Variants in PCDHA8 observed in about 807,000 individuals in gnomAD.
The protein encoded by PCDHA8 is protocadherin alpha-8.
PCDHA8 carries 53 observed loss-of-function variants against 61.8 expected under a neutral mutation model. The observed-to-expected ratio is 0.86, with a 90% CI of 0.69 to 1.08. PCDHA8 has a LOEUF of 1.08. Among genes scored for constraint, PCDHA8 ranks in the 50% least tolerant of loss-of-function variants. PCDHA8 has a pLI of 0.00. For missense variants in PCDHA8, 1,293 were observed against 1,245.0 expected, an observed-to-expected ratio of 1.04 and a Z score of -0.58; for synonymous variants, 618 against 556.6, an observed-to-expected ratio of 1.11 and a Z score of -1.55.
chr5:140,883,580 AC>A, intron 1 of PCDHA8: 1 of 1,613,994 alleles, frequency 6.2e-7, no homozygotes. Flanking sequence ...GCTGTGGGCC[AC>A]GGCCAGCGTG....
At chr5:140,966,900 G>A (rs376213042) in intron 1 of PCDHA8, 1 of 1,598,684 alleles carries the variant, frequency 6.3e-7, no homozygotes, top group Non-Finnish European at 8.5e-7. Flanking sequence ...TCCCAGCTGC[G>A]ATACTCTGTG....
chr5:140,876,953 T>G (rs1455444799), intron 1 of PCDHA8: 6 of 1,613,306 alleles, frequency 3.7e-6, no homozygotes, highest in African/African-American at 1.3e-5. Flanking sequence ...TCCTACTCGC[T>G]GGTGGAGCGG....
At chr5:140,926,018 G>C (rs1489789521) in intron 1 of PCDHA8, among the ~76,000 whole-genome samples, 1 of 152,122 alleles carries the variant, frequency 6.6e-6, no homozygotes, top group Non-Finnish European at 1.5e-5. Context: ...CCAGAGTCCG[G>C]AGGCAGTTTG....
At chr5:140,928,810 G>T (rs143843461) in intron 1 of PCDHA8, 1 of 1,614,106 alleles carries the variant, frequency 6.2e-7, no homozygotes. Context: ...AGTGGTTCGG[G>T]ACCATGGAGA....
rs2150411102 is a variant in PCDHA8, at chr5:140,848,487, G to A, written c.2394+4772G>A. 8 of 1,574,380 alleles carry A rather than the reference G, an allele frequency of 5.1e-6. No individual in the cohort carries two copies. The Admixed American group carries it at 1.2e-4, about 24-fold the overall frequency. On this transcript the variant is annotated intron_variant, in intron 1 of 3. Coordinates refer to ENST00000531613, the MANE Select transcript of PCDHA8 (RefSeq NM_018911.3). ...TTTTCACTAATTAGAAGAAGACTGA[G>A]TATTTGAAATGTTATACTCAAGTCG...
chr5:140,996,312 G>A (rs1397001765), intron 3 of PCDHA8, among the ~76,000 whole-genome samples: 2 of 152,186 alleles, frequency 1.3e-5, no homozygotes, highest in African/African-American at 2.4e-5. Flanking sequence ...CAAAGTAAGG[G>A]GGGAGGGTAG....
chr5:140,945,678 C>T (rs2093827274), intron 1 of PCDHA8, among the ~76,000 whole-genome samples: 1 of 152,078 alleles, frequency 6.6e-6, no homozygotes, highest in Non-Finnish European at 1.5e-5. Context: ...AATAAATCCA[C>T]ACAGTTACTG....
Position 140,882,752 on chromosome 5 carries a change from A to G in PCDHA8, c.2394+39037A>G, listed in dbSNP as rs1457424583. 4 of 1,614,130 alleles carry G rather than the reference A, an allele frequency of 2.5e-6. No individual in the cohort carries two copies. In the East Asian group the frequency reaches 8.9e-5, roughly 36 times the overall value. On this transcript the variant is annotated intron_variant, in intron 1 of 3. Coordinates refer to ENST00000531613, the MANE Select transcript of PCDHA8 (RefSeq NM_018911.3). Reference sequence around the variant, plus strand: ...ACTAGATGGCGCATCCGATGCAGATATTGGAGTAAACTCGGCATTGACCTA... The same window carrying G: ...ACTAGATGGCGCATCCGATGCAGATGTTGGAGTAAACTCGGCATTGACCTA...
At chr5:141,000,379 C>G (rs1286955585) in intron 3 of PCDHA8, among the ~76,000 whole-genome samples, 6 of 60,366 alleles carry the variant, frequency 9.9e-5, no homozygotes, top group South Asian at 5.4e-4. Context: ...CTCTCTCTCT[C>G]TCTCTCTCTC....
At chr5:140,917,245 G>A (rs2077971406) in intron 1 of PCDHA8, among the ~76,000 whole-genome samples, 1 of 149,588 alleles carries the variant, frequency 6.7e-6, no homozygotes, top group Non-Finnish European at 1.5e-5. Context: ...TAGGTACTAC[G>A]ATTGCTCACC....
intron 1 of PCDHA8, among the ~76,000 whole-genome samples, chr5:140,891,446 G>T (rs1554184841): frequency 1.0e-4 from 15 of 149,150 alleles, no homozygotes. Context: ...CATTGTATAG[G>T]ATTTTTGAAT....
chr5:140,886,697 G>A (rs1230801248), intron 1 of PCDHA8, among the ~76,000 whole-genome samples: 4 of 151,750 alleles, frequency 2.6e-5, no homozygotes. Context: ...ATGGTGGCAC[G>A]CGCCTGTAAT....
chr5:140,884,276 G>A (rs2060082773), intron 1 of PCDHA8: 4 of 1,613,638 alleles, frequency 2.5e-6, no homozygotes, highest in East Asian at 2.2e-5. Flanking sequence ...GTTGTCGCTG[G>A]TGGAGAGCGG....
At position 140,876,586 on chromosome 5, in the gene PCDHA8, A is replaced by C. The variant is rs782256478; in HGVS notation, c.2394+32871A>C. 3 of 1,614,148 alleles carry C rather than the reference A, an allele frequency of 1.9e-6. No individual in the cohort carries two copies. The South Asian group carries it at 3.3e-5, about 18-fold the overall frequency. On this transcript the variant is annotated intron_variant, in intron 1 of 3. Transcript: ENST00000531613. Reference sequence around the variant, plus strand: ...TCAGGTGGGTACCGTCATTGCCCTGATTAGCGTGTCGGATCGTGACTCTGG... The same window carrying C: ...TCAGGTGGGTACCGTCATTGCCCTGCTTAGCGTGTCGGATCGTGACTCTGG...
chr5:140,850,541 G>T lies in PCDHA8; in HGVS notation c.2394+6826G>T. 3 of 1,598,386 alleles carry T rather than the reference G, an allele frequency of 1.9e-6. No individual in the cohort carries two copies. Among genetic ancestry groups the T allele is most frequent in the Non-Finnish European group, 2.6e-6 (3 of 1,167,870 alleles). ...AGGCGCCAAAGTCATCGTCGCGGGC[G>T]TCAGTGGGTGCCACGGGCCCCGAGG... On this transcript the variant is annotated intron_variant, in intron 1 of 3. Transcript: ENST00000531613.
chr5:140,985,929 CG>C (rs2097179106), intron 3 of PCDHA8, among the ~76,000 whole-genome samples: 1 of 151,796 alleles, frequency 6.6e-6, no homozygotes, highest in Non-Finnish European at 1.5e-5. Flanking sequence ...TTAGTAGAGC[CG>C]GGGTTTCACT....
intron 1 of PCDHA8, chr5:140,966,591 C>A (rs2096024240): frequency 1.7e-6 from 1 of 588,704 alleles, no homozygotes; most frequent in Non-Finnish European, 2.7e-6. Flanking sequence ...GACGGTGGGG[C>A]CAGGAGCCCT....
chr5:140,875,947 G>C (rs1554168112), intron 1 of PCDHA8: 1 of 1,614,184 alleles, frequency 6.2e-7, no homozygotes, highest in Admixed American at 1.7e-5. Flanking sequence ...GGGCGCTTCT[G>C]ATGCGGATAT....
intron 3 of PCDHA8, 29 bp from the exon 4 acceptor site, chr5:141,009,598 T>C: frequency 6.2e-7 from 1 of 1,606,306 alleles, no homozygotes; most frequent in Non-Finnish European, 8.5e-7. Flanking sequence ...GTTGACCCTG[T>C]TAATGATTTG....
Sources: allele counts gnomAD v4.1 joint callset (sites outside exome capture counted in the v4.1 genomes callset), GRCh38; gene constraint gnomAD v4.1.1; transcripts MANE v1.5; gene names NCBI Gene and HGNC (gene_info 2026-07-23, HGNC 2026-07-21).